Variants in AGPAT3 observed in about 807,000 individuals in gnomAD.
The protein encoded by AGPAT3 is 1-acylglycerol-3-phosphate O-acyltransferase 3, also known as 1-acyl-sn-glycerol-3-phosphate acyltransferase gamma.
AGPAT3 carries 5 observed loss-of-function variants against 47.3 expected under a neutral mutation model. The observed-to-expected ratio is 0.11, with a 90% CI of 0.06 to 0.22. AGPAT3 has a LOEUF of 0.22. Among genes scored for constraint, AGPAT3 ranks in the 10% least tolerant of loss-of-function variants. The pLI, the probability that AGPAT3 is intolerant of heterozygous loss-of-function variation, is 1.00. For missense variants in AGPAT3, 315 were observed against 493.0 expected, an observed-to-expected ratio of 0.64 and a Z score of 3.42; for synonymous variants, 212 against 208.3, an observed-to-expected ratio of 1.02 and a Z score of -0.15.
At position 43,878,810 on chromosome 21, in the gene AGPAT3, G is replaced by A. The variant is rs114043549; in HGVS notation, c.-112+13465G>A. 5.3e-3 allele frequency among the ~76,000 whole-genome samples: 782 copies of A among 147,830 alleles called. 5 individuals carry two copies. The highest frequency in any genetic ancestry group is 0.019 in the African/African-American group (732 of 39,522). On this transcript the variant is annotated intron_variant, in intron 1 of 9. Coordinates refer to ENST00000291572, the MANE Select transcript of AGPAT3 (RefSeq NM_020132.5). Reference sequence around the variant, plus strand: ...AGTGCAGTGGTGCAATCTCGATCTTGGCTCATTGCAACCTCCACCTCCCGG... The same window carrying A: ...AGTGCAGTGGTGCAATCTCGATCTTAGCTCATTGCAACCTCCACCTCCCGG...
chr21:43,909,996 C>T (rs2086594466), intron 2 of AGPAT3, among the ~76,000 whole-genome samples: 1 of 152,126 alleles, frequency 6.6e-6, no homozygotes, highest in Non-Finnish European at 1.5e-5. Context: ...TTTAGGAGAC[C>T]TAGGACGCAT....
chr21:43,949,731 GTTTCCTCATAGAGGCTTTA>G (rs2088092910), intron 2 of AGPAT3, among the ~76,000 whole-genome samples: 2 of 152,176 alleles, frequency 1.3e-5, no homozygotes, highest in Non-Finnish European at 2.9e-5. Flanking sequence ...ATGTTCTGTG[GTTTCCTCATAGAGGCTTTA>G]TTTCCTCTGA....
In AGPAT3 at chr21:43,939,577, A is replaced by C. The variant is rs1459033356; in HGVS notation, c.-48-20057A>C. 6.6e-6 allele frequency among the ~76,000 whole-genome samples: 1 copy of C among 152,136 alleles called. No homozygotes were observed. The highest frequency in any genetic ancestry group is 1.5e-5 in the Non-Finnish European group (1 of 68,022). On this transcript the variant is annotated intron_variant, in intron 2 of 9. Coordinates refer to ENST00000291572, the MANE Select transcript of AGPAT3 (RefSeq NM_020132.5). This position sits in a 1 kb window ranked among gnomAD's most constrained non-coding sequence, Gnocchi z 4.4. ...TTTAGCAAACCTTGCTGCAGTTTGG[A>C]GAGAGTGTCGCGGGCGCCTGGCCTG...
chr21:43,916,176 T>G (rs990067677), intron 2 of AGPAT3: 1 of 152,238 alleles, frequency 6.6e-6, no homozygotes, highest in African/African-American at 2.4e-5. Context: ...TATGAATGTT[T>G]CCATGGGATA....
chr21:43,937,662 C>G (rs1235931344), intron 2 of AGPAT3, among the ~76,000 whole-genome samples: 2 of 152,164 alleles, frequency 1.3e-5, no homozygotes, highest in Non-Finnish European at 2.9e-5. Flanking sequence ...CTCCTGTGTT[C>G]AGGTGATCCT....
At chr21:43,947,861 C>A (rs908657394) in intron 2 of AGPAT3, among the ~76,000 whole-genome samples, 2 of 152,064 alleles carry the variant, frequency 1.3e-5, no homozygotes, top group African/African-American at 4.8e-5. Context: ...GTGAGACCAT[C>A]ACCATGATGG....
chr21:43,885,691 C>CT (rs1484419703), intron 1 of AGPAT3, among the ~76,000 whole-genome samples: 1 of 152,190 alleles, frequency 6.6e-6, no homozygotes, highest in Non-Finnish European at 1.5e-5. Context: ...GTGCCAGTTT[C>CT]TTATATAAGC....
rs879205 is a variant in AGPAT3 at position 43,939,127 on chromosome 21, G to T, written c.-48-20507G>T. ...GGCAAACCCTGCTGGGGACAGGTTC[G>T]TTGTGTCTGATGCCGTGGGAGATGC... is the stretch of plus-strand genomic sequence containing the variant. On this transcript the variant is annotated intron_variant, in intron 2 of 9. Coordinates refer to ENST00000291572, the MANE Select transcript of AGPAT3 (RefSeq NM_020132.5). This position sits in a 1 kb window ranked among gnomAD's most constrained non-coding sequence, Gnocchi z 4.4. 0.11 allele frequency among the ~76,000 whole-genome samples: 16,368 copies of T among 152,220 alleles called. 1,788 individuals are homozygous for T. The highest frequency in any genetic ancestry group is 0.28 in the African/African-American group (11,523 of 41,476).
chr21:43,970,885 A>G lies in AGPAT3; in HGVS notation c.664+79A>G. 1 of 1,328,364 alleles carries G rather than the reference A, an allele frequency of 7.5e-7. No individual in the cohort carries two copies. Among genetic ancestry groups the G allele is most frequent in the Non-Finnish European group, 9.9e-7 (1 of 1,014,516 alleles). The allele number at this position is 1,328,364 out of a possible 1,614,324, so 82.3% of individuals were successfully genotyped here. On this transcript the variant is annotated intron_variant, in intron 6 of 9. Coordinates refer to ENST00000291572, the MANE Select transcript of AGPAT3 (RefSeq NM_020132.5). This position sits in a 1 kb window ranked among gnomAD's most constrained non-coding sequence, Gnocchi z 5.8. ...GATTTCTTTAAAAAAAAAAAAAATG[A>G]GTGCATTCCATGTGAAACACAGAAG...
chr21:43,926,445 G>A (rs1229887423), intron 2 of AGPAT3, among the ~76,000 whole-genome samples: 2 of 152,080 alleles, frequency 1.3e-5, no homozygotes, highest in Non-Finnish European at 2.9e-5. Context: ...GATTTTATCC[G>A]GGATCCCCTG....
At chr21:43,949,352 GGC>G (rs2088070042) in intron 2 of AGPAT3, among the ~76,000 whole-genome samples, 1 of 152,210 alleles carries the variant, frequency 6.6e-6, no homozygotes, top group Admixed American at 6.5e-5. Flanking sequence ...TCATTGGAGT[GGC>G]TGTCGTCAGC....
chr21:43,975,376 G>A (rs2089574640), intron 7 of AGPAT3, among the ~76,000 whole-genome samples: 1 of 151,144 alleles, frequency 6.6e-6, no homozygotes, highest in Non-Finnish European at 1.5e-5. Flanking sequence ...GCATGTGCTG[G>A]CATGTGTCGG....
chr21:43,903,518 G>A (rs144181814), intron 1 of AGPAT3, among the ~76,000 whole-genome samples: 19 of 152,238 alleles, frequency 1.2e-4, no homozygotes, highest in Non-Finnish European at 2.5e-4. Flanking sequence ...TTTTGGAGAA[G>A]CCCAGGGCTG....
At chr21:43,882,319 A>G (rs2085871329) in intron 1 of AGPAT3, among the ~76,000 whole-genome samples, 1 of 152,266 alleles carries the variant, frequency 6.6e-6, no homozygotes, top group Non-Finnish European at 1.5e-5. Flanking sequence ...CAGTATGGAA[A>G]TAGGTTTCGT....
rs1169732030 is a variant in AGPAT3 at position 43,954,303 on chromosome 21, G to C, written c.-48-5331G>C. On this transcript the variant is annotated intron_variant, in intron 2 of 9. Coordinates refer to ENST00000291572, the MANE Select transcript of AGPAT3 (RefSeq NM_020132.5). This position sits in a 1 kb window ranked among gnomAD's most constrained non-coding sequence, Gnocchi z 4.0. Reference sequence around the variant, plus strand: ...CAGTCAGGTTTATCAAGGAGGTCCAGGCGGGCTGGGTGTGGGGAGGTGGAA... The same window carrying C: ...CAGTCAGGTTTATCAAGGAGGTCCACGCGGGCTGGGTGTGGGGAGGTGGAA... Among the ~76,000 whole-genome samples, 1 of 152,214 alleles carries C rather than the reference G, an allele frequency of 6.6e-6. No individual in the cohort carries two copies. The highest frequency in any genetic ancestry group is 2.4e-5 in the African/African-American group (1 of 41,456).
rs2030099362 is a variant in AGPAT3 at position 43,984,877 on chromosome 21, G to A, written c.*2485G>A. On this transcript the variant is annotated 3_prime_UTR_variant, in exon 10 of 10. Transcript: ENST00000291572. ...CAAATTCAGGCTGAGTGCTCAGGCT[G>A]AAGCAACTCTGTAGCCCACAGTCCG... 1 of 336,262 alleles carries A rather than the reference G, an allele frequency of 3.0e-6. No homozygotes were observed. Among genetic ancestry groups the A allele is most frequent in the Non-Finnish European group, 5.9e-6 (1 of 168,948 alleles). The allele number at this position is 336,262 out of a possible 1,614,324, so 20.8% of individuals were successfully genotyped here.
chr21:43,958,743 G>A (rs2088622896), intron 2 of AGPAT3, among the ~76,000 whole-genome samples: 1 of 109,678 alleles, frequency 9.1e-6, no homozygotes, highest in East Asian at 2.3e-4. Context: ...GCATGTGTGT[G>A]GTTTGCAGTG....
intron 4 of AGPAT3, among the ~76,000 whole-genome samples, chr21:43,968,382 G>A (rs1272386370): frequency 6.6e-6 from 1 of 150,996 alleles, no homozygotes. Flanking sequence ...GGGAGTGAGC[G>A]GCAAGGGTCC....
chr21:43,869,748 G>C (rs1440184903), intron 1 of AGPAT3, among the ~76,000 whole-genome samples: 1 of 152,218 alleles, frequency 6.6e-6, no homozygotes, highest in Non-Finnish European at 1.5e-5. Flanking sequence ...TACCCCTGAA[G>C]GGGTCCCGAA....
Sources: allele counts gnomAD v4.1 joint callset (sites outside exome capture counted in the v4.1 genomes callset), GRCh38; gene constraint gnomAD v4.1.1; non-coding constraint Gnocchi (gnomAD v3.1); transcripts MANE v1.5; gene names NCBI Gene and HGNC (gene_info 2026-07-23, HGNC 2026-07-21).